NFU1: variants seen among roughly 807,000 people sequenced by gnomAD.
NFU1 encodes the protein NFU1 iron-sulfur cluster scaffold homolog, mitochondrial.
Under a neutral mutation model 32.2 loss-of-function variants are expected in NFU1, and 30 were observed. That is an observed-to-expected ratio of 0.93 (90% CI 0.70 to 1.26). The LOEUF (loss-of-function observed/expected upper bound fraction) is 1.26, where lower values mean the gene tolerates loss of function less well. Ranked by LOEUF, NFU1 falls within the 50% of genes most tolerant of loss-of-function variation. The pLI, the probability that NFU1 is intolerant of heterozygous loss-of-function variation, is 0.00. For synonymous variants in NFU1, 112 were observed against 104.6 expected (o/e 1.07, Z -0.43); for missense variants, 306 against 306.6 (o/e 1.00, Z 0.02).
At chr2:69,405,246 AC>A (rs1672660348) in intron 6 of NFU1, among the ~76,000 whole-genome samples, 1 of 152,114 alleles carries the variant, frequency 6.6e-6, no homozygotes, top group African/African-American at 2.4e-5. Flanking sequence ...TTAAAAAAAA[AC>A]CAAAAACTAT....
upstream of NFU1, chr2:69,437,552 T>A: frequency 1.7e-6 from 2 of 1,152,938 alleles, no homozygotes; most frequent in Non-Finnish European, 1.3e-6. Flanking sequence ...CTGCTGCGGA[T>A]AAGTGCGGTG....
rs534309730 is a variant in NFU1 at position 69,404,615 on chromosome 2, A to ATTTTTTTTTTTTTTTTTTTTTTTTTT, written c.545+1406_545+1407insAAAAAAAAAAAAAAAAAAAAAAAAAA. 8.2e-4 allele frequency among the ~76,000 whole-genome samples: 60 copies of ATTTTTTTTTTTTTTTTTTTTTTTTTT among 73,004 alleles called. 9 individuals carry two copies. The highest frequency in any genetic ancestry group is 2.5e-3 in the African/African-American group (40 of 15,928). The allele number at this position is 73,004 out of a possible 152,430, so 47.9% of individuals were successfully genotyped here. A position where few individuals can be genotyped will look rare whatever the true frequency, so the allele number is the denominator to read the frequency against. On this transcript the variant is annotated intron_variant, in intron 6 of 7. Transcript: ENST00000410022. ...CACTTAATAACTACTATCTTAGCAA[A>ATTTTTTTTTTTTTTTTTTTTTTTTTT]TTTTTTTTTTTTTTTTTTTTTTTGA...
intron 2 of NFU1, among the ~76,000 whole-genome samples, chr2:69,426,220 C>T (rs1443656740): frequency 2.0e-5 from 3 of 152,132 alleles, no homozygotes; most frequent in Admixed American, 2.0e-4. Context: ...GATCCATCCG[C>T]CTCGGCCTCC....
chr2:69,427,679 C>CAAA (rs35639734), intron 2 of NFU1, among the ~76,000 whole-genome samples: 7 of 61,688 alleles, frequency 1.1e-4, no homozygotes, highest in Non-Finnish European at 2.2e-4. Flanking sequence ...CACTCAGTCT[C>CAAA]AAAAAAAAAA....
chr2:69,405,711 C>A (rs1672672783), intron 6 of NFU1, among the ~76,000 whole-genome samples: 2 of 152,028 alleles, frequency 1.3e-5, no homozygotes, highest in South Asian at 4.2e-4. Context: ...CACAACCTTG[C>A]CAAACATTAA....
chr2:69,436,904 A>G (rs1673857966), intron 1 of NFU1, among the ~76,000 whole-genome samples: 1 of 152,166 alleles, frequency 6.6e-6, no homozygotes, highest in Non-Finnish European at 1.5e-5. Context: ...AACCTTGGAC[A>G]TGTCACCTCC....
At chr2:69,399,461 A>G in intron 7 of NFU1, 1 of 427,416 alleles carries the variant, frequency 2.3e-6, no homozygotes, top group Non-Finnish European at 4.6e-6. Flanking sequence ...GTATAACAAC[A>G]AACTATGATT....
chr2:69,398,374 T>C (rs1368838876), intron 7 of NFU1, among the ~76,000 whole-genome samples: 1 of 152,192 alleles, frequency 6.6e-6, no homozygotes, highest in African/African-American at 2.4e-5. Flanking sequence ...GAAGATGTCA[T>C]GTACTGGACC....
rs772105664 is a variant in NFU1 at position 69,423,243 on chromosome 2, A to AGTGTGTGT, written c.302+331_302+338dup. On this transcript the variant is annotated intron_variant, in intron 3 of 7. Transcript: ENST00000410022. ...CGGGTAGAGATGGGCTCTCTGTGTG[A>AGTGTGTGT]GTGTGTGTGTGTGTGTGTGTGTGTG... Among the ~76,000 whole-genome samples the AGTGTGTGT allele has an allele frequency of 8.2e-4, 72 of 88,034 alleles. 3 individuals carry two copies. Among genetic ancestry groups the AGTGTGTGT allele is most frequent in the East Asian group, 1.3e-3 (3 of 2,298 alleles). 57.8% of individuals were successfully genotyped at this position (88,034 alleles called of 152,430 possible). A position where few individuals can be genotyped will look rare whatever the true frequency, so the allele number is the denominator to read the frequency against.
intron 7 of NFU1, 121 bp from the exon 8 acceptor site, chr2:69,396,411 A>C (rs913042156): frequency 4.3e-6 from 3 of 690,708 alleles, no homozygotes; most frequent in Admixed American, 5.1e-5. Flanking sequence ...ACAAGCCAGT[A>C]AGAATAAATC....
At chr2:69,437,518 C>T (rs751852469), upstream of NFU1, 23 of 1,467,204 alleles carry the variant, frequency 1.6e-5, no homozygotes, top group African/African-American at 2.9e-4. Context: ...TGGGAAGAGC[C>T]CACCCTACCG....
intron 2 of NFU1, among the ~76,000 whole-genome samples, chr2:69,431,375 G>A (rs374339145): frequency 1.3e-5 from 2 of 152,084 alleles, no homozygotes; most frequent in South Asian, 4.1e-4. Context: ...GTGTGATCAC[G>A]GCTCACTGCA....
Position 69,420,065 on chromosome 2 carries a change from G to A in NFU1, c.303-461C>T, listed in dbSNP as rs183012988. 2.1e-4 allele frequency among the ~76,000 whole-genome samples: 32 copies of A among 151,964 alleles called. No individual in the cohort carries two copies. In the East Asian group the frequency reaches 4.8e-3, roughly 23 times the overall value. On this transcript the variant is annotated intron_variant, in intron 3 of 7. Transcript: ENST00000410022. Reference sequence around the variant, plus strand: ...CTGTCCCCCAGGCTGGAGTGCAGTGGTGAGATCTTGGCTCATTGCAACCTC... The same window carrying A: ...CTGTCCCCCAGGCTGGAGTGCAGTGATGAGATCTTGGCTCATTGCAACCTC...
intron 7 of NFU1, among the ~76,000 whole-genome samples, chr2:69,398,920 T>C (rs1672422919): frequency 6.6e-6 from 1 of 152,054 alleles, no homozygotes; most frequent in Non-Finnish European, 1.5e-5. Context: ...GGCACAGAAT[T>C]ACCTGAGGTG....
At chr2:69,434,019 G>A (rs1050906403) in intron 1 of NFU1, among the ~76,000 whole-genome samples, 9 of 151,276 alleles carry the variant, frequency 5.9e-5, no homozygotes, top group Non-Finnish European at 1.2e-4. Context: ...CCTGGCTCAA[G>A]TAATCCTCCC....
At chr2:69,430,007 C>T in intron 2 of NFU1, 1 of 323,330 alleles carries the variant, frequency 3.1e-6, no homozygotes, top group South Asian at 2.4e-5. Flanking sequence ...TTAGCCTGGG[C>T]AACATAGTGA....
intron 7 of NFU1, 148 bp downstream of exon 7, chr2:69,400,216 T>G (rs910671404): frequency 1.4e-6 from 1 of 724,474 alleles, no homozygotes; most frequent in African/African-American, 1.8e-5. Flanking sequence ...TGATAAAAAT[T>G]GCAACACAAA....
At chr2:69,403,651 T>C in intron 6 of NFU1, among the ~76,000 whole-genome samples, 1 of 152,128 alleles carries the variant, frequency 6.6e-6, no homozygotes, top group East Asian at 1.9e-4. Context: ...CCCAAAGTGC[T>C]GGAATTATAG....
intron 2 of NFU1, among the ~76,000 whole-genome samples, chr2:69,431,223 A>G (rs1673628594): frequency 6.6e-6 from 1 of 152,126 alleles, no homozygotes. Context: ...AAAGCCAGAA[A>G]TTTACTAATT....
Sources: allele counts gnomAD v4.1 joint callset (sites outside exome capture counted in the v4.1 genomes callset), GRCh38; gene constraint gnomAD v4.1.1; transcripts MANE v1.5; gene names NCBI Gene and HGNC (gene_info 2026-07-23, HGNC 2026-07-21).